COL16A1: variants seen among roughly 807,000 people sequenced by gnomAD.
The protein encoded by COL16A1 is collagen alpha-1(XVI) chain.
COL16A1 carries 189 observed loss-of-function variants against 266.3 expected under a neutral mutation model. The observed-to-expected ratio is 0.71, with a 90% CI of 0.63 to 0.80. COL16A1 has a LOEUF of 0.80. COL16A1 is among the 30% of genes least tolerant of loss of function. COL16A1 has a pLI of 0.00. For missense variants in COL16A1, 1,928 were observed against 2,122.4 expected (o/e 0.91, Z 1.80); for synonymous variants, 740 against 782.3 (o/e 0.95, Z 0.90).
At chr1:31,683,458 G>T (rs752891559) in intron 34 of COL16A1, 89 bp from the exon 35 acceptor site, 13 of 1,606,580 alleles carry the variant, frequency 8.1e-6, no homozygotes, top group African/African-American at 8.0e-5. Flanking sequence ...TGGTCTGGGT[G>T]GGGTATCTGC....
chr1:31,668,269 C>G lies in COL16A1; in HGVS notation c.3250-51G>C. On this transcript the variant is annotated intron_variant, in intron 50 of 70. Transcript: ENST00000373672. The surrounding 1 kb of genome is among the most constrained non-coding windows in gnomAD (Gnocchi z 5.8). ...ATAGCCCCCCAACATTTCTGTTCTCCCCTCGCTGGGTAAGAGGATGGCCAA... is the reference window on the plus strand; with the variant it reads ...ATAGCCCCCCAACATTTCTGTTCTCGCCTCGCTGGGTAAGAGGATGGCCAA... The G allele has an allele frequency of 1.3e-6, 2 of 1,591,652 alleles. No individual in the cohort carries two copies. The highest frequency in any genetic ancestry group is 1.7e-6 in the Non-Finnish European group (2 of 1,160,166).
chr1:31,670,559 G>T lies in COL16A1; in HGVS notation c.3195+43C>A, dbSNP rs774765352. ...GACAAGCAAAAGCCACAGAGACCTG[G>T]CTGACGGGGGGGAGGGGAGGTCGAG... On this transcript the variant is annotated intron_variant, in intron 49 of 70. Transcript: ENST00000373672. The surrounding 1 kb of genome is among the most constrained non-coding windows in gnomAD (Gnocchi z 4.5). 22 of 1,358,694 alleles carry T rather than the reference G, an allele frequency of 1.6e-5. No homozygotes were observed. The highest frequency in any genetic ancestry group is 2.0e-5 in the Non-Finnish European group (21 of 1,050,804). The allele number at this position is 1,358,694 out of a possible 1,614,324, so 84.2% of individuals were successfully genotyped here.
At chr1:31,665,379 C>T in intron 55 of COL16A1, 145 bp from the exon 56 acceptor site, 1 of 1,418,528 alleles carries the variant, frequency 7.0e-7, no homozygotes, top group Non-Finnish European at 9.5e-7. Flanking sequence ...TTACGTCTGC[C>T]TGGCCTGCTG....
Position 31,696,572 on chromosome 1 carries a change from G to A in COL16A1, c.864+391C>T, listed in dbSNP as rs966419604. On this transcript the variant is annotated intron_variant, in intron 8 of 70. Coordinates refer to ENST00000373672, the MANE Select transcript of COL16A1 (RefSeq NM_001856.4). ...TGGCCGGCGCTGGGCCCAGGAGAGT[G>A]AGCCATCCCTGGGGGGAAGCAGTAT... is the stretch of plus-strand genomic sequence containing the variant. 7.2e-5 allele frequency among the ~76,000 whole-genome samples: 11 copies of A among 152,352 alleles called. No individual in the cohort carries two copies. In the East Asian group the frequency reaches 1.9e-3, roughly 27 times the overall value.
rs1474635285 is a variant in COL16A1, at chr1:31,683,022, A to C, written c.2470-20T>G. On this transcript the variant is annotated intron_variant, in intron 36 of 70. Transcript: ENST00000373672. Reference sequence around the variant, plus strand: ...AGATCCCTGTGTAAGAGAAGGTACAAAGGTCTCAGGGGCAGAATTGGAAGC... The same window carrying C: ...AGATCCCTGTGTAAGAGAAGGTACACAGGTCTCAGGGGCAGAATTGGAAGC... 6.2e-7 allele frequency: 1 copy of C among 1,613,942 alleles called. No individual in the cohort carries two copies. The highest frequency in any genetic ancestry group is 8.5e-7 in the Non-Finnish European group (1 of 1,179,954).
At chr1:31,665,503 C>A (rs1470694533) in intron 55 of COL16A1, 80 bp downstream of exon 55, 1 of 1,611,774 alleles carries the variant, frequency 6.2e-7, no homozygotes, top group East Asian at 2.2e-5. Flanking sequence ...GACCATCCTA[C>A]CCCAGCCTGG....
Position 31,653,688 on chromosome 1 carries a change from G to A in COL16A1, c.4535-12C>T, listed in dbSNP as rs576156115. 2 of 1,611,042 alleles carry A rather than the reference G, an allele frequency of 1.2e-6. No homozygotes were observed. Among genetic ancestry groups the A allele is most frequent in the Non-Finnish European group, 1.7e-6 (2 of 1,178,580 alleles). On this transcript the variant is annotated splice_polypyrimidine_tract_variant and intron_variant, in intron 69 of 70. Coordinates refer to ENST00000373672, the MANE Select transcript of COL16A1 (RefSeq NM_001856.4). Reference sequence around the variant, plus strand: ...GGTACCAGGCAATCCTGGAACAAAAGAAATAAATAAGTCCTATCCCTGAGC... The same window carrying A: ...GGTACCAGGCAATCCTGGAACAAAAAAAATAAATAAGTCCTATCCCTGAGC...
At position 31,697,159 on chromosome 1, in the gene COL16A1, T is replaced by G; in HGVS notation, c.738+61A>C. The G allele has an allele frequency of 3.7e-6, 6 of 1,612,580 alleles. No individual in the cohort carries two copies. The highest frequency in any genetic ancestry group is 5.1e-6 in the Non-Finnish European group (6 of 1,178,988). On this transcript the variant is annotated intron_variant, in intron 7 of 70. Transcript: ENST00000373672. This position sits in a 1 kb window ranked among gnomAD's most constrained non-coding sequence, Gnocchi z 4.2. ...CCTCCTAAGACCTCCAGGCATCACC[T>G]TCCAGACCCTCATCTCCAGCACAGT...
Position 31,661,413 on chromosome 1 carries a change from C to A in COL16A1, c.3771+1G>T. ...GCTTGGCAGAGGTCACCAGCCCTTA[C>A]CTTAGGTCCTGGGAGGCCAGGATGT... On this transcript the variant is annotated splice_donor_variant, in intron 60 of 70. Coordinates refer to ENST00000373672, the MANE Select transcript of COL16A1 (RefSeq NM_001856.4). LOFTEE classifies it high-confidence loss of function. 6.2e-7 allele frequency: 1 copy of A among 1,614,066 alleles called. No individual in the cohort carries two copies. Among genetic ancestry groups the A allele is most frequent in the Non-Finnish European group, 8.5e-7 (1 of 1,180,036 alleles).
Position 31,699,893 on chromosome 1 carries a change from C to T in COL16A1, c.186G>A (p.Thr62=), listed in dbSNP as rs764543848. The change falls in exon 4 of 71, where the codon ACG becomes ACA. Residue 62 remains threonine (T), a synonymous_variant. Transcript: ENST00000373672. ...GGTTGCGGATCTTCTTGATGGCAGACGTCTTCATGAGGCTGAGTCGGTGGA... is the reference window on the plus strand; with the variant it reads ...GGTTGCGGATCTTCTTGATGGCAGATGTCTTCATGAGGCTGAGTCGGTGGA... ...NLIHRLSLMK[T]SAIKKIRNPK... 5 of 1,614,056 alleles carry T rather than the reference C, an allele frequency of 3.1e-6. No individual in the cohort carries two copies. Among genetic ancestry groups the T allele is most frequent in the Non-Finnish European group, 4.2e-6 (5 of 1,179,912 alleles).
chr1:31,687,969 G>A (rs954640695), intron 26 of COL16A1, among the ~76,000 whole-genome samples: 1 of 152,194 alleles, frequency 6.6e-6, no homozygotes, highest in South Asian at 2.1e-4. Flanking sequence ...TGACCCACAG[G>A]CGTAGTGAAG....
At chr1:31,655,590 C>T in intron 66 of COL16A1, 88 bp from the exon 67 acceptor site, 2 of 1,569,618 alleles carry the variant, frequency 1.3e-6, no homozygotes, top group Non-Finnish European at 8.6e-7. Context: ...CACCAGGCCC[C>T]CAGCGTCTCC....
intron 43 of COL16A1, 39 bp downstream of exon 43, chr1:31,675,219 G>A: frequency 6.2e-7 from 1 of 1,614,078 alleles, no homozygotes. Context: ...GGGAAGGGCA[G>A]GGAAGGGGCA....
chr1:31,679,703 GAGTC>G lies in COL16A1; in HGVS notation c.2719-22_2719-19del, dbSNP rs1643463733. The G allele has an allele frequency of 1.2e-6, 2 of 1,613,932 alleles. No homozygotes were observed. Among genetic ancestry groups the G allele is most frequent in the Non-Finnish European group, 1.7e-6 (2 of 1,179,966 alleles). ...GGTGGACCCTGAGGGAGAGAGAAAA[GAGTC>G]AGAGCCAGCAGAGAGCTCTGCCCCA... On this transcript the variant is annotated intron_variant, in intron 41 of 70. Transcript: ENST00000373672.
rs901384078 is a variant in COL16A1 at position 31,680,196 on chromosome 1, G to C, written c.2611-95C>G. On this transcript the variant is annotated intron_variant, in intron 39 of 70. Coordinates refer to ENST00000373672, the MANE Select transcript of COL16A1 (RefSeq NM_001856.4). ...GGCACGTGGGCTCTAGAGATGGAGA[G>C]GCCAGGGTTTCAATCCAGGATCTGC... 4 of 1,518,402 alleles carry C rather than the reference G, an allele frequency of 2.6e-6. No homozygotes were observed. The Admixed American group carries it at 6.4e-5, about 24-fold the overall frequency. 94.1% of individuals were successfully genotyped at this position (1,518,402 alleles called of 1,614,324 possible).
chr1:31,691,915 G>A, intron 17 of COL16A1, 90 bp downstream of exon 17: 5 of 1,590,228 alleles, frequency 3.1e-6, no homozygotes, highest in Non-Finnish European at 4.3e-6. Context: ...GTCTGAGCAA[G>A]GGGAGGGGGC....
intron 22 of COL16A1, 129 bp from the exon 23 acceptor site, chr1:31,689,980 C>G (rs1644183858): frequency 1.2e-5 from 9 of 743,196 alleles, no homozygotes; most frequent in Admixed American, 2.5e-5. Context: ...TCAAAGTGGA[C>G]AGCAGGAATG....
At position 31,695,804 on chromosome 1, in the gene COL16A1, G is replaced by A. The variant is rs757320778; in HGVS notation, c.919-17C>T. On this transcript the variant is annotated splice_polypyrimidine_tract_variant and intron_variant, in intron 9 of 70. Transcript: ENST00000373672. Reference sequence around the variant, plus strand: ...CTGATGGACCTGAGGAAAGGGTGGGGGGTGTGGGAATGGGCAGGGAGCTCA... The same window carrying A: ...CTGATGGACCTGAGGAAAGGGTGGGAGGTGTGGGAATGGGCAGGGAGCTCA... 1.2e-6 allele frequency: 2 copies of A among 1,612,588 alleles called. No homozygotes were observed. Among genetic ancestry groups the A allele is most frequent in the South Asian group, 2.2e-5 (2 of 91,006 alleles).
At chr1:31,665,560 G>A (rs187343659) in intron 55 of COL16A1, 23 bp downstream of exon 55, 266 of 1,614,164 alleles carry the variant, frequency 1.6e-4, no homozygotes, top group Non-Finnish European at 2.2e-4. Flanking sequence ...AGACAGAGCT[G>A]GCTTTGTGTC....
Sources: allele counts gnomAD v4.1 joint callset (sites outside exome capture counted in the v4.1 genomes callset), GRCh38; gene constraint gnomAD v4.1.1; non-coding constraint Gnocchi (gnomAD v3.1); transcripts MANE v1.5; gene names NCBI Gene and HGNC (gene_info 2026-07-23, HGNC 2026-07-21).